CHFR: variants seen among roughly 807,000 people sequenced by gnomAD.
CHFR encodes the protein checkpoint with forkhead and ring finger domains, also known as E3 ubiquitin-protein ligase CHFR.
CHFR carries 57 observed loss-of-function variants against 87.6 expected under a neutral mutation model. The observed-to-expected ratio is 0.65, with a 90% CI of 0.53 to 0.81. The LOEUF is 0.81. Ranked by LOEUF, CHFR falls within the 30% of genes least tolerant of loss-of-function variation. The pLI, the probability that CHFR is intolerant of heterozygous loss-of-function variation, is 0.00. For missense variants in CHFR, 797 were observed against 865.8 expected (o/e 0.92, Z 1.00); for synonymous variants, 381 against 359.2 (o/e 1.06, Z -0.69).
chr12:132,845,923 G>C (rs1950812065), intron 15 of CHFR, among the ~76,000 whole-genome samples: 1 of 152,158 alleles, frequency 6.6e-6, no homozygotes, highest in Non-Finnish European at 1.5e-5. Flanking sequence ...ATGAACCTGT[G>C]ATCAATTTAG....
At chr12:132,857,649 G>C in intron 8 of CHFR, 90 bp from the exon 9 acceptor site, 1 of 1,236,882 alleles carries the variant, frequency 8.1e-7, no homozygotes, top group South Asian at 1.4e-5. Flanking sequence ...ACCACGGAAG[G>C]GCCTACAGGG....
intron 10 of CHFR, chr12:132,853,951 G>A (rs7966176): frequency 0.2 from 39,852 of 198,590 alleles, 4,339 homozygotes; most frequent in African/African-American, 0.27. Context: ...AGAGCGCGGT[G>A]GGCAACGTAC....
chr12:132,874,588 A>G (rs12829047), intron 3 of CHFR, among the ~76,000 whole-genome samples: 867 of 28,552 alleles, frequency 0.03, no homozygotes, highest in African/African-American at 0.043. Context: ...CCAGCGTGGG[A>G]AAGCCAGGCC....
chr12:132,876,216 G>A (rs994717820), intron 3 of CHFR, among the ~76,000 whole-genome samples: 1 of 151,894 alleles, frequency 6.6e-6, no homozygotes, highest in Admixed American at 6.6e-5. Context: ...CGCTACAACA[G>A]TATGTGTAGT....
rs1013270057 is a variant in CHFR, at chr12:132,853,565, T to C, written c.1238A>G (p.Tyr413Cys). The C allele has an allele frequency of 6.5e-6, 10 of 1,529,132 alleles. No individual in the cohort carries two copies. In the East Asian group the frequency reaches 2.3e-4, roughly 35 times the overall value. 94.7% of individuals were successfully genotyped at this position (1,529,132 alleles called of 1,614,324 possible). Reference sequence around the variant, plus strand: ...CTCAGGACACTGCCGGCACACGACGTATGGCTGGCTGCAAGGAAGCACAGG... The same window carrying C: ...CTCAGGACACTGCCGGCACACGACGCATGGCTGGCTGCAAGGAAGCACAGG... ...DSESSDISQP[Y>C]VVCRQCPEYR... The change falls in exon 11 of 18, where the codon TAC (tyrosine) becomes TGC (cysteine). Residue 413 changes from tyrosine (Y) to cysteine (C), a missense_variant. Coordinates refer to ENST00000450056, the MANE Select transcript of CHFR (RefSeq NM_001161346.2).
At chr12:132,848,259 T>C (rs1270228462) in intron 13 of CHFR, 104 bp from the exon 14 acceptor site, 4 of 1,565,214 alleles carry the variant, frequency 2.6e-6, no homozygotes, top group South Asian at 1.2e-5. Flanking sequence ...TTACAGATTC[T>C]AGAAAGAATA....
At chr12:132,847,973 C>G (rs1234240678) in intron 14 of CHFR, 112 bp downstream of exon 14, 1 of 1,552,982 alleles carries the variant, frequency 6.4e-7, no homozygotes, top group Non-Finnish European at 8.7e-7. Flanking sequence ...GGCTCCCCAA[C>G]CCGCAGCGGG....
At chr12:132,873,214 G>C (rs1427512419) in intron 3 of CHFR, among the ~76,000 whole-genome samples, 1 of 152,206 alleles carries the variant, frequency 6.6e-6, no homozygotes, top group Admixed American at 6.6e-5. Context: ...GTTTGCTGAG[G>C]GATGGGAGTG....
At position 132,862,186 on chromosome 12, in the gene CHFR, A is replaced by C. The variant is rs1009399397; in HGVS notation, c.584-552T>G. On this transcript the variant is annotated intron_variant, in intron 6 of 17. Transcript: ENST00000450056. ...GCTACTCAAGAGGCTGAGGCAGAAA[A>C]ATTGCTTGAACCCGGGAGGCGGAGG... The C allele has an allele frequency of 1.4e-5, 3 of 209,124 alleles. No individual in the cohort carries two copies. In the Admixed American group the frequency reaches 1.7e-4, roughly 12 times the overall value. The allele number at this position is 209,124 out of a possible 1,614,324, so 13.0% of individuals were successfully genotyped here.
At chr12:132,858,520 T>C (rs932729367) in intron 8 of CHFR, among the ~76,000 whole-genome samples, 4 of 147,444 alleles carry the variant, frequency 2.7e-5, no homozygotes, top group Admixed American at 2.7e-4. Flanking sequence ...AAGTCAGGAG[T>C]TCAAGACTAG....
Position 132,869,811 on chromosome 12 carries a change from G to A in CHFR, c.404-13C>T, listed in dbSNP as rs1366157844. On this transcript the variant is annotated splice_polypyrimidine_tract_variant and intron_variant, in intron 5 of 17. Coordinates refer to ENST00000450056, the MANE Select transcript of CHFR (RefSeq NM_001161346.2). ...GCACCTGAGGTATCTTTGGTCCCAT[G>A]GAACACATTTTCCTTGTTAGCTTCT... is the stretch of plus-strand genomic sequence containing the variant. 1 of 1,551,268 alleles carries A rather than the reference G, an allele frequency of 6.4e-7. No homozygotes were observed. Among genetic ancestry groups the A allele is most frequent in the Admixed American group, 2.0e-5 (1 of 50,986 alleles).
chr12:132,860,586 T>C (rs1951190253), intron 7 of CHFR, among the ~76,000 whole-genome samples: 1 of 152,228 alleles, frequency 6.6e-6, no homozygotes, highest in Non-Finnish European at 1.5e-5. Flanking sequence ...CTGGCTGCTC[T>C]CTGGACTGCT....
intron 10 of CHFR, chr12:132,853,876 C>A: frequency 2.5e-6 from 1 of 405,584 alleles, no homozygotes; most frequent in Non-Finnish European, 4.4e-6. Flanking sequence ...CAGAGCAGGG[C>A]AAGGGCCAGC....
At chr12:132,879,062 T>C (rs938131290) in intron 2 of CHFR, among the ~76,000 whole-genome samples, 5 of 147,222 alleles carry the variant, frequency 3.4e-5, no homozygotes, top group African/African-American at 1.2e-4. Flanking sequence ...TGGAGTGCAG[T>C]GGCACCATCT....
chr12:132,860,215 T>G (rs776993899), intron 7 of CHFR, among the ~76,000 whole-genome samples: 9 of 152,214 alleles, frequency 5.9e-5, no homozygotes, highest in Non-Finnish European at 1.2e-4. Context: ...ACATTTGATT[T>G]ATCAATTTTA....
At chr12:132,857,763 G>A (rs961787597) in intron 8 of CHFR, among the ~76,000 whole-genome samples, 8 of 152,212 alleles carry the variant, frequency 5.3e-5, no homozygotes, top group Non-Finnish European at 8.8e-5. Context: ...ACAGAGGCGA[G>A]TAGATTATGA....
chr12:132,848,402 C>T (rs530904066), intron 13 of CHFR: 245 of 740,986 alleles, frequency 3.3e-4, no homozygotes, highest in Admixed American at 4.4e-4. Flanking sequence ...AGCAGAACCC[C>T]GCTGCAAGGA....
At position 132,848,176 on chromosome 12, in the gene CHFR, T is replaced by C. The variant is rs749127983; in HGVS notation, c.1577-21A>G. 6.8e-6 allele frequency: 11 copies of C among 1,613,982 alleles called. No homozygotes were observed. In the East Asian group the frequency reaches 1.8e-4, roughly 26 times the overall value. ...GAGCTCTGCCGAGATGAAGGGGCAATGTTACCTGTTTATAATGATGTCGCA... is the reference window on the plus strand; with the variant it reads ...GAGCTCTGCCGAGATGAAGGGGCAACGTTACCTGTTTATAATGATGTCGCA... On this transcript the variant is annotated intron_variant, in intron 13 of 17. Transcript: ENST00000450056.
intron 1 of CHFR, 32 bp downstream of exon 1, chr12:132,887,515 C>T (rs1338190065): frequency 9.9e-6 from 2 of 202,002 alleles, no homozygotes; most frequent in East Asian, 3.7e-4. Flanking sequence ...CCCTTCGCCG[C>T]CCGCCGCAGC....
Sources: gnomAD v4.1 joint callset for allele counts (sites outside exome capture counted in the v4.1 genomes callset) on GRCh38, gnomAD v4.1.1 for gene constraint, MANE v1.5 for transcripts, NCBI Gene and HGNC (gene_info 2026-07-23, HGNC 2026-07-21) for gene names.